Variants in NEK7 observed in about 807,000 individuals in gnomAD.
The protein encoded by NEK7 is serine/threonine-protein kinase Nek7.
NEK7 carries 18 observed loss-of-function variants against 44.6 expected under a neutral mutation model. That is an observed-to-expected ratio of 0.40 (90% CI 0.28 to 0.60). The LOEUF (loss-of-function observed/expected upper bound fraction) is 0.60. Ranked by LOEUF, NEK7 falls within the 20% of genes least tolerant of loss-of-function variation. The pLI is 0.38. For missense variants in NEK7, 256 were observed against 366.5 expected (o/e 0.70, Z 2.46); for synonymous variants, 130 against 121.1 (o/e 1.07, Z -0.48).
intron 3 of NEK7, among the ~76,000 whole-genome samples, chr1:198,255,772 A>G (rs767669435): frequency 6.6e-6 from 1 of 152,172 alleles, no homozygotes; most frequent in Admixed American, 6.6e-5. Flanking sequence ...TAATTTCTTC[A>G]TAGAAGACAG....
intron 1 of NEK7, among the ~76,000 whole-genome samples, chr1:198,158,959 G>T (rs190792660): frequency 6.6e-6 from 1 of 152,112 alleles, no homozygotes; most frequent in Admixed American, 6.5e-5. Flanking sequence ...TATGGGGTGA[G>T]AGGAAGGCCT....
At chr1:198,201,024 G>A (rs1430678082) in intron 1 of NEK7, among the ~76,000 whole-genome samples, 4 of 152,124 alleles carry the variant, frequency 2.6e-5, no homozygotes, top group Non-Finnish European at 5.9e-5. Context: ...ATTCATGTTG[G>A]CTTGTTGAGA....
chr1:198,214,959 G>A (rs1035854882), intron 1 of NEK7, among the ~76,000 whole-genome samples: 18 of 152,260 alleles, frequency 1.2e-4, no homozygotes, highest in South Asian at 1.0e-3. Flanking sequence ...AATGGAAACC[G>A]TATTAGATGA....
chr1:198,199,501 T>C (rs1665353034), intron 1 of NEK7, among the ~76,000 whole-genome samples: 1 of 152,214 alleles, frequency 6.6e-6, no homozygotes, highest in Non-Finnish European at 1.5e-5. Context: ...ATTAGTTAAT[T>C]GTGTGGTTTA....
chr1:198,203,834 A>ATT (rs35769214), intron 1 of NEK7, among the ~76,000 whole-genome samples: 11 of 149,092 alleles, frequency 7.4e-5, no homozygotes, highest in Middle Eastern at 3.5e-3. Context: ...GGTTGAATTC[A>ATT]TTTTTTTTTT....
chr1:198,260,399 C>A (rs1021472933), intron 3 of NEK7, among the ~76,000 whole-genome samples: 1 of 151,406 alleles, frequency 6.6e-6, no homozygotes, highest in Non-Finnish European at 1.5e-5. Flanking sequence ...AGTGATTTGC[C>A]ACTCATAGTC....
At chr1:198,204,474 C>T (rs549777886) in intron 1 of NEK7, among the ~76,000 whole-genome samples, 75 of 152,206 alleles carry the variant, frequency 4.9e-4, no homozygotes, top group African/African-American at 1.8e-3. Context: ...AATCCCAGCA[C>T]TTTGGGAGGC....
intron 7 of NEK7, among the ~76,000 whole-genome samples, chr1:198,285,864 A>G (rs1410605635): frequency 6.6e-6 from 1 of 152,008 alleles, no homozygotes; most frequent in Non-Finnish European, 1.5e-5. Flanking sequence ...ATTTGTAGCT[A>G]TTGCAACCAA....
chr1:198,318,516 G>A (rs1307492811), intron 9 of NEK7, among the ~76,000 whole-genome samples: 1 of 152,158 alleles, frequency 6.6e-6, no homozygotes, highest in East Asian at 1.9e-4. Context: ...TTTACTAAGT[G>A]CTATATCGTG....
At chr1:198,313,075 A>C (rs1444036486) in intron 9 of NEK7, among the ~76,000 whole-genome samples, 3 of 151,940 alleles carry the variant, frequency 2.0e-5, no homozygotes, top group African/African-American at 7.3e-5. Flanking sequence ...TGGGAGTCTA[A>C]GTCTCTTTGT....
At chr1:198,209,056 T>C (rs981105608) in intron 1 of NEK7, among the ~76,000 whole-genome samples, 4 of 97,916 alleles carry the variant, frequency 4.1e-5, no homozygotes, top group Admixed American at 1.1e-4. Context: ...TATATATATA[T>C]ATACACACAC....
rs139456119 is a variant in NEK7 at position 198,160,174 on chromosome 1, A to G, written c.-29+2898A>G. The stretch of plus-strand genomic sequence containing the variant: ...TGTTTTAAGAATGTACCTCTGTAGT[A>G]TTACAAATGTCGCCACCATTCAGGG... On this transcript the variant is annotated intron_variant, in intron 1 of 9. Coordinates refer to ENST00000367385, the MANE Select transcript of NEK7 (RefSeq NM_133494.3). Among the ~76,000 whole-genome samples the G allele has an allele frequency of 1.8e-3, 273 of 152,324 alleles. 1 individual carries two copies. Among genetic ancestry groups the G allele is most frequent in the African/African-American group, 6.1e-3 (253 of 41,580 alleles).
chr1:198,219,139 C>T (rs1018496811), intron 1 of NEK7, among the ~76,000 whole-genome samples: 2 of 151,468 alleles, frequency 1.3e-5, no homozygotes, highest in Non-Finnish European at 3.0e-5. Context: ...TTTATAATTG[C>T]AAAGAAATGG....
intron 1 of NEK7, among the ~76,000 whole-genome samples, chr1:198,220,341 A>G (rs188967979): frequency 5.3e-5 from 8 of 152,126 alleles, no homozygotes; most frequent in East Asian, 1.9e-4. Flanking sequence ...CCTAGAACCA[A>G]TCATCTCTCC....
At chr1:198,211,343 AGTTATCAT>A in intron 1 of NEK7, among the ~76,000 whole-genome samples, 2 of 152,322 alleles carry the variant, frequency 1.3e-5, no homozygotes, top group South Asian at 4.1e-4. Context: ...AGAATACTAC[AGTTATCAT>A]TGTTACAAAA....
At chr1:198,227,857 A>T (rs1486773273) in intron 1 of NEK7, among the ~76,000 whole-genome samples, 1 of 152,078 alleles carries the variant, frequency 6.6e-6, no homozygotes, top group Non-Finnish European at 1.5e-5. Flanking sequence ...TGCTGTGCAG[A>T]AGCTCTTTAG....
chr1:198,305,453 G>A (rs115808570), intron 9 of NEK7, among the ~76,000 whole-genome samples: 193 of 152,110 alleles, frequency 1.3e-3, no homozygotes, highest in Non-Finnish European at 2.1e-3. Context: ...ACAGGGAGAT[G>A]TCTAAGATCT....
chr1:198,242,638 A>G (rs1266413293), intron 2 of NEK7, among the ~76,000 whole-genome samples: 1 of 150,106 alleles, frequency 6.7e-6, no homozygotes, highest in Non-Finnish European at 1.5e-5. Flanking sequence ...GTTTTTTTGT[A>G]TTTTTAGTAC....
At chr1:198,265,959 C>A (rs145543205) in intron 5 of NEK7, among the ~76,000 whole-genome samples, 2 of 152,084 alleles carry the variant, frequency 1.3e-5, no homozygotes, top group Middle Eastern at 3.4e-3. Flanking sequence ...GTATTACTGA[C>A]CCAATTTTAT....
Sources: gnomAD v4.1 joint callset for allele counts (sites outside exome capture counted in the v4.1 genomes callset) on GRCh38, gnomAD v4.1.1 for gene constraint, MANE v1.5 for transcripts, NCBI Gene and HGNC (gene_info 2026-07-23, HGNC 2026-07-21) for gene names.